MAP3K12: variants seen among roughly 807,000 people sequenced by gnomAD.
MAP3K12 encodes mitogen-activated protein kinase kinase kinase 12.
MAP3K12 carries 14 observed loss-of-function variants against 87.5 expected under a neutral mutation model. That is an observed-to-expected ratio of 0.16 (90% CI 0.11 to 0.25). MAP3K12 has a LOEUF of 0.25. Ranked by LOEUF, MAP3K12 falls within the 10% of genes least tolerant of loss-of-function variation. MAP3K12 has a pLI of 1.00. For missense variants in MAP3K12, 802 were observed against 1,140.4 expected, an observed-to-expected ratio of 0.70 and a Z score of 4.27; for synonymous variants, 469 against 452.5, an observed-to-expected ratio of 1.04 and a Z score of -0.46.
rs750867418 is a variant in MAP3K12 at position 53,481,169 on chromosome 12, A to T, written c.*13T>A. On this transcript the variant is annotated 3_prime_UTR_variant, in exon 14 of 14. Transcript: ENST00000547488. ...ATAAATATTTCTCTATGTACAAGGA[A>T]TACGAGTGGCTTTCATGGAGGGAGG... 6.9e-7 allele frequency: 1 copy of T among 1,448,380 alleles called. No homozygotes were observed. Among genetic ancestry groups the T allele is most frequent in the Non-Finnish European group, 9.2e-7 (1 of 1,082,988 alleles). 89.7% of individuals were successfully genotyped at this position (1,448,380 alleles called of 1,614,324 possible). A position where few individuals can be genotyped will look rare whatever the true frequency, so the allele number is the denominator to read the frequency against.
chr12:53,501,460 A>G (rs767373404), upstream of MAP3K12: 20 of 1,567,128 alleles, frequency 1.3e-5, no homozygotes, highest in East Asian at 4.7e-5. Context: ...CGGGCTGCCT[A>G]GGTGAGCCGT....
intron 13 of MAP3K12, 157 bp from the exon 14 acceptor site, chr12:53,481,437 C>G: frequency 2.9e-6 from 1 of 344,696 alleles, no homozygotes; most frequent in Non-Finnish European, 5.3e-6. Context: ...GCAACCTCTG[C>G]CTCCCAGGTT....
intron 1 of MAP3K12, among the ~76,000 whole-genome samples, chr12:53,492,663 T>A (rs915524306): frequency 6.6e-6 from 1 of 151,884 alleles, no homozygotes; most frequent in Non-Finnish European, 1.5e-5. Flanking sequence ...GCAATGCAAA[T>A]TACAGACAAA....
upstream of MAP3K12, chr12:53,499,950 G>A (rs1281535816): frequency 6.6e-6 from 1 of 152,336 alleles, no homozygotes; most frequent in Non-Finnish European, 1.5e-5. Flanking sequence ...CTAGCGCTCT[G>A]GCATTGCTCC....
chr12:53,491,300 A>AG (rs1943394387), intron 1 of MAP3K12, among the ~76,000 whole-genome samples: 4 of 148,044 alleles, frequency 2.7e-5, no homozygotes, highest in Non-Finnish European at 6.0e-5. Flanking sequence ...AAAAAAAAAA[A>AG]AAAAAGAAAA....
intron 7 of MAP3K12, 103 bp downstream of exon 7, chr12:53,484,154 A>G (rs1191290970): frequency 3.7e-6 from 5 of 1,359,830 alleles, no homozygotes; most frequent in East Asian, 2.3e-5. Flanking sequence ...CTAAGAGCCA[A>G]TCTCTTCAGT....
At position 53,485,011 on chromosome 12, in the gene MAP3K12, T is replaced by G. The variant is rs200361570; in HGVS notation, c.1139+45A>C. 8.9e-5 allele frequency: 143 copies of G among 1,612,722 alleles called. 1 individual carries two copies. The East Asian group carries it at 1.9e-3, about 22-fold the overall frequency. On this transcript the variant is annotated intron_variant, in intron 6 of 13. Transcript: ENST00000547488. ...CAGTCCAGCCCAGTACTACCGTGCTTCTCAACTTCTCCAGGCCCAGTATCC... is the reference window on the plus strand; with the variant it reads ...CAGTCCAGCCCAGTACTACCGTGCTGCTCAACTTCTCCAGGCCCAGTATCC...
At chr12:53,491,301 A>AAAAAAAAAAAAAGAAAAG (rs796169121) in intron 1 of MAP3K12, among the ~76,000 whole-genome samples, 13 of 101,564 alleles carry the variant, frequency 1.3e-4, no homozygotes, top group Non-Finnish European at 2.1e-4. Context: ...AAAAAAAAAA[A>AAAAAAAAAAAAAGAAAAG]AAAAGAAAAG....
Position 53,479,672 on chromosome 12 carries a change from T to TTTTTTTTTTTTGG in MAP3K12, c.*1497_*1509dup, listed in dbSNP as rs1555209673. 6 of 286,938 alleles carry TTTTTTTTTTTTGG rather than the reference T, an allele frequency of 2.1e-5. No homozygotes were observed. The highest frequency in any genetic ancestry group is 1.1e-4 in the African/African-American group (5 of 43,650). The allele number at this position is 286,938 out of a possible 1,614,324, so 17.8% of individuals were successfully genotyped here. ...TTTAGTTTTATAAGCTTCTCCCTGG[T>TTTTTTTTTTTTGG]TTTTTTTTTTTGGCTCATGAATTTT... On this transcript the variant is annotated 3_prime_UTR_variant, in exon 14 of 14. Transcript: ENST00000547488.
At chr12:53,492,334 G>A (rs1306224207) in intron 1 of MAP3K12, among the ~76,000 whole-genome samples, 1 of 152,092 alleles carries the variant, frequency 6.6e-6, no homozygotes, top group Non-Finnish European at 1.5e-5. Context: ...AGATGACTTC[G>A]CATCACAAGG....
chr12:53,491,026 C>T (rs746451347), intron 1 of MAP3K12, among the ~76,000 whole-genome samples: 4 of 151,916 alleles, frequency 2.6e-5, no homozygotes, highest in Non-Finnish European at 5.9e-5. Context: ...TAGTGGCTCA[C>T]GCCTGTAATC....
Position 53,485,234 on chromosome 12 carries a change from A to G in MAP3K12, c.981-20T>C. On this transcript the variant is annotated intron_variant, in intron 5 of 13. Transcript: ENST00000547488. ...AAGGACCTAGGGATGAGGGGACATC[A>G]CTTGTGCTCAAGCCCTAGAAGTTGC... 2 of 1,603,840 alleles carry G rather than the reference A, an allele frequency of 1.2e-6. No homozygotes were observed.
Position 53,483,923 on chromosome 12 carries a change from C to G in MAP3K12, c.1346G>C (p.Arg449Thr). Residue 449 changes from arginine to threonine, a missense_variant, in exon 8 of 14, where the codon AGG becomes ACG. This residue lies in a region of MAP3K12 where 99 missense variants were observed against 193.4 expected (regional missense o/e 0.51). Coordinates refer to ENST00000547488, the MANE Select transcript of MAP3K12 (RefSeq NM_001193511.2). ...CACGGGAACTCACCTGAGCTCCTCCCTCCTCCTCATCACCAGTTCCTCTTC... is the reference window on the plus strand; with the variant it reads ...CACGGGAACTCACCTGAGCTCCTCCGTCCTCCTCATCACCAGTTCCTCTTC... ...RLEEELVMRR[R>T]EELRHALDIR... is the part of the protein sequence containing the mutation. 6.2e-7 allele frequency: 1 copy of G among 1,614,174 alleles called. No individual in the cohort carries two copies. Among genetic ancestry groups the G allele is most frequent in the Non-Finnish European group, 8.5e-7 (1 of 1,179,988 alleles).
In MAP3K12 at chr12:53,481,934, C is replaced by T. The variant is rs777099999; in HGVS notation, c.2580+7G>A. 2.5e-6 allele frequency: 4 copies of T among 1,609,126 alleles called. No homozygotes were observed. In the East Asian group the frequency reaches 8.9e-5, roughly 36 times the overall value. ...CAATATCTGCTTTTTGCTGTTGTGC[C>T]ACTCACCCGCTCTCTGAGAAGTTCC... On this transcript the variant is annotated splice_region_variant and intron_variant, in intron 13 of 13. Coordinates refer to ENST00000547488, the MANE Select transcript of MAP3K12 (RefSeq NM_001193511.2).
At chr12:53,481,727 C>T (rs1345972602) in intron 13 of MAP3K12, 3 of 556,532 alleles carry the variant, frequency 5.4e-6, no homozygotes, top group Middle Eastern at 4.8e-4. Flanking sequence ...AGAATCATTC[C>T]CTGGCTGCAA....
At position 53,486,763 on chromosome 12, in the gene MAP3K12, G is replaced by T; in HGVS notation, c.446-141C>A. 17 of 1,458,658 alleles carry T rather than the reference G, an allele frequency of 1.2e-5. No individual in the cohort carries two copies. Among genetic ancestry groups the T allele is most frequent in the Non-Finnish European group, 1.4e-5 (16 of 1,111,112 alleles). The allele number at this position is 1,458,658 out of a possible 1,614,324, so 90.4% of individuals were successfully genotyped here. A position where few individuals can be genotyped will look rare whatever the true frequency, so the allele number is the denominator to read the frequency against. ...AATAGGCCAAGAAGAAGGTTCGAGGGGACAGGGAAGGAATGAATGGGTGGC... is the reference window on the plus strand; with the variant it reads ...AATAGGCCAAGAAGAAGGTTCGAGGTGACAGGGAAGGAATGAATGGGTGGC... On this transcript the variant is annotated intron_variant, in intron 2 of 13. Coordinates refer to ENST00000547488, the MANE Select transcript of MAP3K12 (RefSeq NM_001193511.2). The surrounding 1 kb of genome is among the most constrained non-coding windows in gnomAD (Gnocchi z 4.9).
At position 53,481,457 on chromosome 12, in the gene MAP3K12, C is replaced by A. The variant is rs575518761; in HGVS notation, c.2581-177G>T. On this transcript the variant is annotated intron_variant, in intron 13 of 13. Coordinates refer to ENST00000547488, the MANE Select transcript of MAP3K12 (RefSeq NM_001193511.2). ...CTCTGCCTCCCAGGTTCAAGCAATTCTTCTGCCTCAGCCTTCTGAGTAGCT... is the reference window on the plus strand; with the variant it reads ...CTCTGCCTCCCAGGTTCAAGCAATTATTCTGCCTCAGCCTTCTGAGTAGCT... 19 of 331,988 alleles carry A rather than the reference C, an allele frequency of 5.7e-5. No individual in the cohort carries two copies. In the South Asian group the frequency reaches 8.9e-4, roughly 15 times the overall value. The allele number at this position is 331,988 out of a possible 1,614,324, so 20.6% of individuals were successfully genotyped here. A position where few individuals can be genotyped will look rare whatever the true frequency, so the allele number is the denominator to read the frequency against.
intron 1 of MAP3K12, among the ~76,000 whole-genome samples, chr12:53,493,438 A>G (rs1329503755): frequency 2.0e-5 from 3 of 152,102 alleles, no homozygotes; most frequent in Non-Finnish European, 4.4e-5. Context: ...GCAGTACCAC[A>G]GGGAAGGAAA....
In MAP3K12 at chr12:53,485,190, T is replaced by C. The variant is rs1943194804; in HGVS notation, c.1005A>G (p.Glu335=). Residue 335 remains glutamate, a synonymous_variant, in exon 6 of 14, where the codon GAA becomes GAG. Transcript: ENST00000547488. ...TGTAGGGGATCTCACCAGTCAGCAGTTCCCATAGCACCACGCCAAAGGACC... is the reference window on the plus strand; with the variant it reads ...TGTAGGGGATCTCACCAGTCAGCAGCTCCCATAGCACCACGCCAAAGGACC... ...DIWSFGVVLW[E]LLTGEIPYKD... 1.9e-6 allele frequency: 3 copies of C among 1,613,326 alleles called. No homozygotes were observed. The highest frequency in any genetic ancestry group is 8.5e-7 in the Non-Finnish European group (1 of 1,179,616).
Sources: gnomAD v4.1 joint callset for allele counts (sites outside exome capture counted in the v4.1 genomes callset) on GRCh38, gnomAD v4.1.1 for gene constraint, gnomAD v4.1.1 regional missense constraint, Gnocchi (gnomAD v3.1) non-coding constraint, MANE v1.5 for transcripts, NCBI Gene and HGNC (gene_info 2026-07-23, HGNC 2026-07-21) for gene names.